Variants in NKD2 observed in about 807,000 individuals in gnomAD.
The protein encoded by NKD2 is NKD inhibitor of Wnt signaling pathway 2.
NKD2 carries 43 observed loss-of-function variants against 34.8 expected under a neutral mutation model. That is an observed-to-expected ratio of 1.24 (90% CI 0.97 to 1.60). NKD2 has a LOEUF of 1.60. Among genes scored for constraint, NKD2 ranks in the 40% most tolerant of loss-of-function variants. NKD2 has a pLI of 0.00. For missense variants in NKD2, 675 were observed against 627.1 expected (o/e 1.08, Z -0.82); for synonymous variants, 278 against 265.1 (o/e 1.05, Z -0.47).
At chr5:1,016,963 T>C (rs13361889) in intron 3 of NKD2, among the ~76,000 whole-genome samples, 18 of 147,270 alleles carry the variant, frequency 1.2e-4, no homozygotes, top group African/African-American at 4.6e-4. Flanking sequence ...GCAGACCCCA[T>C]CCTCCTTCCC....
At chr5:1,010,903 T>A (rs1023995667) in intron 3 of NKD2, among the ~76,000 whole-genome samples, 2 of 152,244 alleles carry the variant, frequency 1.3e-5, no homozygotes, top group African/African-American at 4.8e-5. Flanking sequence ...CGCTGCACCA[T>A]GAACCTTAAA....
At chr5:1,037,540 A>T (rs1201082694) in intron 9 of NKD2, 2 of 1,535,772 alleles carry the variant, frequency 1.3e-6, no homozygotes, top group African/African-American at 2.7e-5. Flanking sequence ...GTGCGAGAAG[A>T]GAAGCTCCGC....
At chr5:1,011,464 C>G (rs951817640) in intron 3 of NKD2, among the ~76,000 whole-genome samples, 1 of 152,242 alleles carries the variant, frequency 6.6e-6, no homozygotes, top group African/African-American at 2.4e-5. Context: ...TTGTCCAGAG[C>G]CTCGCCCATC....
chr5:1,038,189 A>C lies in NKD2; in HGVS notation c.1172A>C (p.Glu391Ala). ...AAGCGGTACCGCCAAAAGGGCAGGG[A>C]GGGCCACTCGCCACTCAAGGCCCCA... ...GHKRYRQKGREGHSPLKAPHA... is the reference protein window; with the variant it reads ...GHKRYRQKGRAGHSPLKAPHA... Residue 391 changes from glutamate to alanine, a missense_variant, in exon 10 of 10, where the codon GAG becomes GCG. By Grantham distance (107) the Glu-to-Ala change is moderately radical. Transcript: ENST00000296849. This position sits in a 1 kb window ranked among gnomAD's most constrained non-coding sequence, Gnocchi z 4.5. 6.3e-7 allele frequency: 1 copy of C among 1,589,150 alleles called. No individual in the cohort carries two copies. The highest frequency in any genetic ancestry group is 8.5e-7 in the Non-Finnish European group (1 of 1,169,740).
chr5:1,020,525 C>T (rs1560987425), intron 3 of NKD2, among the ~76,000 whole-genome samples: 1 of 152,130 alleles, frequency 6.6e-6, no homozygotes, highest in Non-Finnish European at 1.5e-5. Context: ...GGTGTGGGCC[C>T]AGTGGCGCTC....
chr5:1,038,008 C>T lies in NKD2; in HGVS notation c.991C>T (p.Leu331Phe). The part of the protein sequence containing the change: ...PRPKGPEKQF[L>F]KSPKGSGKPP... ...GCCGAAGGGGCCGGAGAAGCAGTTC[C>T]TCAAGTCCCCCAAGGGCTCCGGGAA... Residue 331 changes from leucine (L) to phenylalanine (F), a missense_variant, in exon 10 of 10, where the codon CTC becomes TTC. Transcript: ENST00000296849. The surrounding 1 kb of genome is among the most constrained non-coding windows in gnomAD (Gnocchi z 4.5). 1 of 1,608,014 alleles carries T rather than the reference C, an allele frequency of 6.2e-7. No individual in the cohort carries two copies. The highest frequency in any genetic ancestry group is 1.1e-5 in the South Asian group (1 of 90,716).
Position 1,038,298 on chromosome 5 carries a change from G to C in NKD2, c.1281G>C (p.Val427=). The C allele has an allele frequency of 6.4e-7, 1 of 1,550,654 alleles. No homozygotes were observed. Among genetic ancestry groups the C allele is most frequent in the Non-Finnish European group, 8.7e-7 (1 of 1,154,128 alleles). Residue 427 remains valine (V), a synonymous_variant, in exon 10 of 10, where the codon GTG becomes GTC. Transcript: ENST00000296849. This position sits in a 1 kb window ranked among gnomAD's most constrained non-coding sequence, Gnocchi z 4.5. The part of the protein sequence containing the change: ...TPAGEGYAVP[V]IQRHEHHHHH... ...CAGGAGAGGGCTACGCGGTGCCAGT[G>C]ATCCAGCGGCACGAGCACCACCACC...
intron 9 of NKD2, chr5:1,037,442 A>T: frequency 7.8e-7 from 1 of 1,278,200 alleles, no homozygotes; most frequent in South Asian, 1.3e-5. Context: ...CTATTTTGTA[A>T]TGAGGGTTTA....
rs1032429707 is a variant in NKD2 at position 1,035,488 on chromosome 5, G to A, written c.659+15G>A. On this transcript the variant is annotated intron_variant, in intron 8 of 9. Transcript: ENST00000296849. ...GCACACGTCAGGTGAGGGCTGGGGT[G>A]CCAGGGTGGGGCTGTGCCTTAGGCG... The A allele has an allele frequency of 1.7e-5, 27 of 1,547,278 alleles. No individual in the cohort carries two copies. Among genetic ancestry groups the A allele is most frequent in the African/African-American group, 5.5e-5 (4 of 72,912 alleles).
intron 3 of NKD2, among the ~76,000 whole-genome samples, chr5:1,031,185 C>T (rs1002554290): frequency 6.6e-6 from 1 of 152,156 alleles, no homozygotes; most frequent in Non-Finnish European, 1.5e-5. Context: ...CAGACAGCCC[C>T]ATAGGAGGTC....
At chr5:1,027,523 C>T (rs142667362) in intron 3 of NKD2, among the ~76,000 whole-genome samples, 1 of 152,348 alleles carries the variant, frequency 6.6e-6, no homozygotes, top group Non-Finnish European at 1.5e-5. Context: ...CCTCGGCTCC[C>T]ATCACCTCCA....
At chr5:1,037,578 TA>T in intron 9 of NKD2, 1 of 1,535,814 alleles carries the variant, frequency 6.5e-7, no homozygotes, top group Non-Finnish European at 8.7e-7. Context: ...GGGACAAGGC[TA>T]GAGGAGTCGG....
intron 3 of NKD2, among the ~76,000 whole-genome samples, chr5:1,011,073 C>T (rs1209069802): frequency 1.3e-5 from 2 of 152,220 alleles, no homozygotes; most frequent in Admixed American, 1.3e-4. Context: ...GGGACATTTT[C>T]TTTAGAGAAT....
At chr5:1,033,833 T>C (rs1219323747) in intron 5 of NKD2, among the ~76,000 whole-genome samples, 2 of 152,212 alleles carry the variant, frequency 1.3e-5, no homozygotes, top group Non-Finnish European at 2.9e-5. Flanking sequence ...CTCTGCCCGC[T>C]GGAGGCAGGG....
chr5:1,035,146 G>A (rs1733803196), intron 7 of NKD2, among the ~76,000 whole-genome samples: 1 of 151,142 alleles, frequency 6.6e-6, no homozygotes, highest in South Asian at 2.1e-4. Context: ...GTTAATGAAT[G>A]AATGAGTTAA....
At chr5:1,014,593 C>T (rs1038066398) in intron 3 of NKD2, among the ~76,000 whole-genome samples, 1 of 152,142 alleles carries the variant, frequency 6.6e-6, no homozygotes, top group African/African-American at 2.4e-5. Flanking sequence ...GGGTGGGCAC[C>T]GCTTGTTCAG....
At chr5:1,032,486 T>C (rs1048254491) in intron 4 of NKD2, among the ~76,000 whole-genome samples, 3 of 152,170 alleles carry the variant, frequency 2.0e-5, no homozygotes, top group African/African-American at 7.2e-5. Flanking sequence ...TCTGTGAGCC[T>C]GTGTTTGTGG....
At chr5:1,037,157 G>C (rs1485353137) in intron 9 of NKD2, among the ~76,000 whole-genome samples, 2 of 152,172 alleles carry the variant, frequency 1.3e-5, no homozygotes, top group Non-Finnish European at 2.9e-5. Context: ...CCCAGCACAC[G>C]TTTATTTCCG....
chr5:1,035,228 G>A (rs1454643338), intron 7 of NKD2, among the ~76,000 whole-genome samples, 161 bp from the exon 8 acceptor site: 1 of 152,038 alleles, frequency 6.6e-6, no homozygotes, highest in Non-Finnish European at 1.5e-5. Flanking sequence ...GTGAACGAGT[G>A]AGTTAATGAA....
Sources: gnomAD v4.1 joint callset for allele counts (sites outside exome capture counted in the v4.1 genomes callset) on GRCh38, gnomAD v4.1.1 for gene constraint, Gnocchi (gnomAD v3.1) non-coding constraint, MANE v1.5 for transcripts, NCBI Gene and HGNC (gene_info 2026-07-23, HGNC 2026-07-21) for gene names.